FA2H: variants seen among roughly 807,000 people sequenced by gnomAD.
FA2H encodes fatty acid alpha-hydroxylase.
In FA2H, 22 loss-of-function variants were observed where a neutral mutation model predicts 44.9. The ratio of observed to expected loss-of-function variants is 0.49; its 90% CI spans 0.35 to 0.70. The LOEUF (loss-of-function observed/expected upper bound fraction) is 0.70. FA2H is among the 30% of genes least tolerant of loss of function. The pLI, the probability that FA2H is intolerant of heterozygous loss-of-function variation, is 0.01. For synonymous variants in FA2H, 243 were observed against 213.2 expected (o/e 1.14, Z -1.22); for missense variants, 501 against 504.9 (o/e 0.99, Z 0.07).
intron 1 of FA2H, among the ~76,000 whole-genome samples, chr16:74,767,982 C>G (rs2144665816): frequency 6.6e-6 from 1 of 152,180 alleles, no homozygotes; most frequent in South Asian, 2.1e-4. Context: ...AGGCGAAGGT[C>G]CTGGTAACGC....
intron 1 of FA2H, among the ~76,000 whole-genome samples, chr16:74,772,741 C>G (rs897469098): frequency 6.6e-6 from 1 of 152,156 alleles, no homozygotes; most frequent in African/African-American, 2.4e-5. Context: ...CAGTAACCCA[C>G]GGTCAACCTG....
At position 74,740,036 on chromosome 16, in the gene FA2H, A is replaced by G. The variant is rs145990810; in HGVS notation, c.350T>C (p.Val117Ala). ...TATGCCAGGTACCTTGTCCCAATCC[A>G]CCACTTTGAACCGTGGTTCCATAGC... ...DPAMEPRFKV[V>A]DWDKDLVDWR... is the part of the protein sequence containing the mutation. The change falls in exon 2 of 7, where the codon GTG becomes GCG. Residue 117 changes from valine (V) to alanine (A), a missense_variant. Coordinates refer to ENST00000219368, the MANE Select transcript of FA2H (RefSeq NM_024306.5). 4 of 1,613,114 alleles carry G rather than the reference A, an allele frequency of 2.5e-6. No individual in the cohort carries two copies. The African/African-American group carries it at 5.4e-5, about 22-fold the overall frequency.
chr16:74,755,917 T>C (rs747305462), intron 1 of FA2H, among the ~76,000 whole-genome samples: 2 of 152,320 alleles, frequency 1.3e-5, no homozygotes, highest in African/African-American at 4.8e-5. Flanking sequence ...CTGACAACGA[T>C]ATGCCTCCTT....
intron 1 of FA2H, among the ~76,000 whole-genome samples, chr16:74,756,922 T>C (rs1313572512): frequency 6.6e-6 from 1 of 151,490 alleles, no homozygotes; most frequent in Non-Finnish European, 1.5e-5. Context: ...AAGCATACAA[T>C]TATTAGTAGG....
chr16:74,765,088 T>C (rs1297498375), intron 1 of FA2H, among the ~76,000 whole-genome samples: 1 of 152,174 alleles, frequency 6.6e-6, no homozygotes, highest in African/African-American at 2.4e-5. Flanking sequence ...AGTGACTTGC[T>C]TGATGGTTCT....
intron 2 of FA2H, among the ~76,000 whole-genome samples, 155 bp downstream of exon 2, chr16:74,739,868 G>T (rs1011932190): frequency 1.3e-5 from 2 of 152,146 alleles, no homozygotes; most frequent in South Asian, 4.1e-4. Flanking sequence ...TGCTGTCCCA[G>T]GTCATGCCTC....
At chr16:74,720,069 G>A (rs1567634389) in intron 4 of FA2H, among the ~76,000 whole-genome samples, 1 of 151,754 alleles carries the variant, frequency 6.6e-6, no homozygotes, top group Non-Finnish European at 1.5e-5. Flanking sequence ...ACCCTCCGGA[G>A]ACAGCCTGCA....
chr16:74,744,767 A>G (rs761367143), intron 1 of FA2H, among the ~76,000 whole-genome samples: 32 of 152,030 alleles, frequency 2.1e-4, no homozygotes, highest in Non-Finnish European at 3.5e-4. Flanking sequence ...TTTATTTTTT[A>G]TAGAGACGGG....
At chr16:74,769,848 G>C (rs759090801) in intron 1 of FA2H, among the ~76,000 whole-genome samples, 3 of 152,200 alleles carry the variant, frequency 2.0e-5, no homozygotes, top group Non-Finnish European at 4.4e-5. Context: ...CTCAGCCACG[G>C]CTCTGTCACT....
At chr16:74,764,348 GA>G (rs1291404746) in intron 1 of FA2H, among the ~76,000 whole-genome samples, 5 of 152,154 alleles carry the variant, frequency 3.3e-5, no homozygotes, top group African/African-American at 9.7e-5. Context: ...ACTGGATAAA[GA>G]AAATGTGGTA....
intron 1 of FA2H, among the ~76,000 whole-genome samples, chr16:74,766,642 AGG>A (rs11300628): frequency 2.0e-5 from 3 of 150,880 alleles, no homozygotes; most frequent in Middle Eastern, 3.4e-3. Context: ...AGGAAAACTA[AGG>A]GGGGGGGCTC....
At chr16:74,772,505 A>T (rs986384271) in intron 1 of FA2H, among the ~76,000 whole-genome samples, 1 of 152,216 alleles carries the variant, frequency 6.6e-6, no homozygotes, top group African/African-American at 2.4e-5. Context: ...CACCCAGCAC[A>T]GTGCTGTCAA....
At chr16:74,772,328 G>A (rs920734880) in intron 1 of FA2H, among the ~76,000 whole-genome samples, 1 of 152,154 alleles carries the variant, frequency 6.6e-6, no homozygotes. Flanking sequence ...TGTCAATGTC[G>A]CTTTCTCAAG....
At chr16:74,724,957 C>T (rs2870143) in intron 4 of FA2H, among the ~76,000 whole-genome samples, 4 of 152,310 alleles carry the variant, frequency 2.6e-5, no homozygotes, top group Admixed American at 1.3e-4. Flanking sequence ...CTTCCCCCTC[C>T]GGCTGCCAGC....
chr16:74,725,759 C>T (rs1273246334), intron 4 of FA2H, among the ~76,000 whole-genome samples: 1 of 152,192 alleles, frequency 6.6e-6, no homozygotes, highest in Non-Finnish European at 1.5e-5. Context: ...CTGCCTGAGC[C>T]TTTGCCTTGG....
intron 1 of FA2H, among the ~76,000 whole-genome samples, chr16:74,742,098 C>T (rs932025777): frequency 2.0e-5 from 3 of 152,014 alleles, no homozygotes; most frequent in South Asian, 2.1e-4. Flanking sequence ...TCCAGACCCA[C>T]GCCTAGCACG....
At chr16:74,718,449 G>A (rs1961756398) in intron 5 of FA2H, among the ~76,000 whole-genome samples, 1 of 152,154 alleles carries the variant, frequency 6.6e-6, no homozygotes, top group Non-Finnish European at 1.5e-5. Flanking sequence ...TCCTTGAAGG[G>A]CCTCAGGGGA....
intron 6 of FA2H, 122 bp from the exon 7 acceptor site, chr16:74,714,391 C>A: frequency 1.4e-6 from 1 of 725,860 alleles, no homozygotes; most frequent in Non-Finnish European, 2.5e-6. Context: ...TCCCCTTGGC[C>A]TTCCCAACTC....
chr16:74,718,799 A>C (rs1207885006), intron 5 of FA2H, among the ~76,000 whole-genome samples, 189 bp downstream of exon 5: 1 of 152,198 alleles, frequency 6.6e-6, no homozygotes, highest in Non-Finnish European at 1.5e-5. Context: ...CTGCACACCC[A>C]CGCTGTCCCC....
Sources: gnomAD v4.1 joint callset for allele counts (sites outside exome capture counted in the v4.1 genomes callset) on GRCh38, gnomAD v4.1.1 for gene constraint, MANE v1.5 for transcripts, NCBI Gene and HGNC (gene_info 2026-07-23, HGNC 2026-07-21) for gene names.